YIF1B: variants seen among roughly 807,000 people sequenced by gnomAD.
The protein encoded by YIF1B is Yip1 interacting factor homolog B, membrane trafficking protein, also known as protein YIF1B.
In YIF1B, 24 loss-of-function variants were observed where a neutral mutation model predicts 34.6. That is an observed-to-expected ratio of 0.69 (90% CI 0.50 to 0.98). YIF1B has a LOEUF of 0.98. Among genes scored for constraint, YIF1B ranks in the 50% least tolerant of loss-of-function variants. The probability of loss-of-function intolerance (pLI) is 0.00; values close to 1 mark genes in which losing one functional copy is unlikely to be tolerated. For synonymous variants in YIF1B, 186 were observed against 184.8 expected, an observed-to-expected ratio of 1.01 and a Z score of -0.05; for missense variants, 368 against 429.4, an observed-to-expected ratio of 0.86 and a Z score of 1.26.
rs1568348748 is a variant in YIF1B at position 38,304,030 on chromosome 19, C to T, written c.*1322G>A. 1 of 606,556 alleles carries T rather than the reference C, an allele frequency of 1.6e-6. No homozygotes were observed. Among genetic ancestry groups the T allele is most frequent in the Non-Finnish European group, 2.9e-6 (1 of 346,080 alleles). The allele number at this position is 606,556 out of a possible 1,614,324, so 37.6% of individuals were successfully genotyped here. On this transcript the variant is annotated 3_prime_UTR_variant, in exon 8 of 8. Transcript: ENST00000339413. ...CCACAGAGCCCCCCTCAGTCGGCCT[C>T]CCCTGAGGCACCAAGGCTGGCGGAA... is the stretch of plus-strand genomic sequence containing the variant.
upstream of YIF1B, among the ~76,000 whole-genome samples, chr19:38,318,709 C>G (rs569794112): frequency 6.6e-6 from 1 of 152,122 alleles, no homozygotes; most frequent in African/African-American, 2.4e-5. Flanking sequence ...GGGCTCTGCC[C>G]GGTGATCTGC....
At chr19:38,310,933 A>G (rs2057304914) in intron 1 of YIF1B, among the ~76,000 whole-genome samples, 1 of 152,098 alleles carries the variant, frequency 6.6e-6, no homozygotes, top group Admixed American at 6.6e-5. Flanking sequence ...ACTCGGCACT[A>G]GCTGACATGC....
At chr19:38,319,923 C>A, upstream of YIF1B, 1 of 1,391,460 alleles carries the variant, frequency 7.2e-7, no homozygotes, top group Non-Finnish European at 9.2e-7. Context: ...CGGGGCCACC[C>A]AGGGCTCGCG....
chr19:38,303,798 T>G lies in YIF1B; in HGVS notation c.*1554A>C, dbSNP rs1041723051. On this transcript the variant is annotated 3_prime_UTR_variant, in exon 8 of 8. Transcript: ENST00000339413. The stretch of plus-strand genomic sequence containing the variant: ...CAGGCTGGCTCCAAGTCTATGCCCC[T>G]CACCCCTCAGACGCTGCTCACCAAG... Among the ~76,000 whole-genome samples the G allele has an allele frequency of 6.6e-6, 1 of 152,320 alleles. No individual in the cohort carries two copies.
Position 38,304,715 on chromosome 19 carries a change from C to T in YIF1B, c.*637G>A. 6.2e-7 allele frequency: 1 copy of T among 1,613,546 alleles called. No homozygotes were observed. Among genetic ancestry groups the T allele is most frequent in the South Asian group, 1.1e-5 (1 of 91,068 alleles). On this transcript the variant is annotated 3_prime_UTR_variant, in exon 8 of 8. Coordinates refer to ENST00000339413, the MANE Select transcript of YIF1B (RefSeq NM_001039672.3). Reference sequence around the variant, plus strand: ...AGGGGCTCTCGCCAGCGTCCCCAAGCACGTGCCCTGCACCCCAGAGAGGCG... The same window carrying T: ...AGGGGCTCTCGCCAGCGTCCCCAAGTACGTGCCCTGCACCCCAGAGAGGCG...
At position 38,309,450 on chromosome 19, in the gene YIF1B, A is replaced by G; in HGVS notation, c.252T>C (p.Tyr84=). 1 of 1,613,974 alleles carries G rather than the reference A, an allele frequency of 6.2e-7. No individual in the cohort carries two copies. The highest frequency in any genetic ancestry group is 1.1e-5 in the South Asian group (1 of 91,068). The change falls in exon 2 of 8, where the codon TAT becomes TAC. Residue 84 remains tyrosine, a synonymous_variant. Coordinates refer to ENST00000339413, the MANE Select transcript of YIF1B (RefSeq NM_001039672.3). ...TGCCCTGCGCGGCCAGGCTGCTCCCATAGGCCATGGCCATGTTGGACACCG... is the reference window on the plus strand; with the variant it reads ...TGCCCTGCGCGGCCAGGCTGCTCCCGTAGGCCATGGCCATGTTGGACACCG... ...ADPVSNMAMA[Y]GSSLAAQGKE...
chr19:38,319,588 G>C (rs961093643), upstream of YIF1B, among the ~76,000 whole-genome samples: 3 of 152,204 alleles, frequency 2.0e-5, no homozygotes, highest in Non-Finnish European at 4.4e-5. Context: ...CTCGGCCTGC[G>C]AGCAGAGAGG....
chr19:38,307,124 G>A (rs1969084566), intron 7 of YIF1B: 1 of 503,130 alleles, frequency 2.0e-6, no homozygotes, highest in Non-Finnish European at 3.8e-6. Flanking sequence ...TCCTTCCAGG[G>A]AAATTCTGGC....
Position 38,304,757 on chromosome 19 carries a change from GGCGGGGAGGGT to G in YIF1B, c.*584_*594del, listed in dbSNP as rs753027255. ...AGAGAGGCGTCCCCGCACTGGGGCT[GGCGGGGAGGGT>G]GCGGGGAGTGGTCCCCCTGTCTCGC... On this transcript the variant is annotated 3_prime_UTR_variant, in exon 8 of 8. Coordinates refer to ENST00000339413, the MANE Select transcript of YIF1B (RefSeq NM_001039672.3). The G allele has an allele frequency of 6.2e-6, 10 of 1,611,210 alleles. No homozygotes were observed. In the South Asian group the frequency reaches 6.6e-5, roughly 11 times the overall value.
In YIF1B at chr19:38,307,752, C is replaced by G; in HGVS notation, c.540G>C (p.Arg180Ser). Reference protein sequence around the residue: ...VAGLALGTQDRFSPDLLGLQA... With the variant: ...VAGLALGTQDSFSPDLLGLQA... Reference sequence around the variant, plus strand: ...GCAGCCCCAGGAGGTCTGGGGAGAACCTGCAGGCACAAAGCCCCGCCACTT... The same window carrying G: ...GCAGCCCCAGGAGGTCTGGGGAGAAGCTGCAGGCACAAAGCCCCGCCACTT... The change falls in exon 6 of 8, where the codon AGG (arginine) becomes AGC (serine). Residue 180 changes from arginine (R) to serine (S), a missense_variant and splice_region_variant. Physicochemically the swap from Arg to Ser is moderately radical, Grantham distance 110. Coordinates refer to ENST00000339413, the MANE Select transcript of YIF1B (RefSeq NM_001039672.3). 1.2e-6 allele frequency: 2 copies of G among 1,611,340 alleles called. No individual in the cohort carries two copies. Among genetic ancestry groups the G allele is most frequent in the Non-Finnish European group, 8.5e-7 (1 of 1,178,954 alleles).
chr19:38,307,297 G>A, intron 7 of YIF1B, 131 bp downstream of exon 7: 2 of 1,014,878 alleles, frequency 2.0e-6, no homozygotes, highest in East Asian at 2.6e-5. Flanking sequence ...AGGCCGGGCA[G>A]CCACTCCAGG....
chr19:38,320,412 AGGACCCG>A, upstream of YIF1B: 1 of 894,072 alleles, frequency 1.1e-6, no homozygotes, highest in Non-Finnish European at 1.6e-6. Flanking sequence ...GACCCCAGTG[AGGACCCG>A]GGACCCAGGC....
At chr19:38,319,837 C>T (rs1223355946), upstream of YIF1B, 9 of 1,038,942 alleles carry the variant, frequency 8.7e-6, no homozygotes, top group Non-Finnish European at 9.0e-6. Context: ...CCTCTTGGGG[C>T]ATCTGCTGCC....
upstream of YIF1B, chr19:38,316,050 T>G (rs1033198742): frequency 1.6e-5 from 18 of 1,108,776 alleles, no homozygotes; most frequent in Middle Eastern, 6.4e-4. Flanking sequence ...CCCCGACCCC[T>G]CCAGCCCCCC....
At chr19:38,321,678 G>T (rs1005008691), upstream of YIF1B, among the ~76,000 whole-genome samples, 13 of 152,340 alleles carry the variant, frequency 8.5e-5, no homozygotes, top group Middle Eastern at 3.4e-3. Context: ...TCGCCCTCCC[G>T]GCCAACAATA....
rs764834839 is a variant in YIF1B at position 38,308,836 on chromosome 19, G to A, written c.495C>T (p.Ile165=). ...PDLYIPAMAF[I]TYVLVAGLAL... Reference sequence around the variant, plus strand: ...CAAGACCAGCCACCAAAACGTAGGTGATGAAAGCCATTGCTGTGGGAGACA... The same window carrying A: ...CAAGACCAGCCACCAAAACGTAGGTAATGAAAGCCATTGCTGTGGGAGACA... Residue 165 remains isoleucine, a synonymous_variant, in exon 5 of 8, where the codon ATC becomes ATT. Transcript: ENST00000339413. The A allele has an allele frequency of 8.7e-6, 14 of 1,613,870 alleles. No homozygotes were observed. The South Asian group carries it at 1.5e-4, about 18-fold the overall frequency.
At position 38,304,917 on chromosome 19, in the gene YIF1B, GAGA is replaced by G; in HGVS notation, c.*432_*434del. On this transcript the variant is annotated 3_prime_UTR_variant, in exon 8 of 8. Transcript: ENST00000339413. Reference sequence around the variant, plus strand: ...CAAGAAGCCCAAAGTGAAGAAGAAGGAGAAGGGCAAGAAGGAGAAGGGCAAGAA... The same window carrying G: ...CAAGAAGCCCAAAGTGAAGAAGAAGGAGGGCAAGAAGGAGAAGGGCAAGAA... 1 of 1,595,490 alleles carries G rather than the reference GAGA, an allele frequency of 6.3e-7. No homozygotes were observed. The highest frequency in any genetic ancestry group is 8.5e-7 in the Non-Finnish European group (1 of 1,171,018).
upstream of YIF1B, chr19:38,316,039 C>G: frequency 7.7e-7 from 1 of 1,306,310 alleles, no homozygotes. Context: ...CGCCCCCACC[C>G]CCCCGACCCC....
At chr19:38,314,996 C>T (rs1250714323) in intron 1 of YIF1B, among the ~76,000 whole-genome samples, 2 of 151,484 alleles carry the variant, frequency 1.3e-5, no homozygotes, top group Non-Finnish European at 2.9e-5. Context: ...CGGTGGCTCA[C>T]GCCTGTAATC....
Sources: gnomAD v4.1 joint callset for allele counts (sites outside exome capture counted in the v4.1 genomes callset) on GRCh38, gnomAD v4.1.1 for gene constraint, MANE v1.5 for transcripts, NCBI Gene and HGNC (gene_info 2026-07-23, HGNC 2026-07-21) for gene names.